GSTCD: variants seen among roughly 807,000 people sequenced by gnomAD.
The protein encoded by GSTCD is glutathione S-transferase C-terminal domain containing.
GSTCD carries 44 observed loss-of-function variants against 68.3 expected under a neutral mutation model. The observed-to-expected ratio is 0.64, with a 90% CI of 0.51 to 0.83. The LOEUF is 0.83. Ranked by LOEUF, GSTCD falls within the 40% of genes least tolerant of loss-of-function variation. The probability of loss-of-function intolerance (pLI) is 0.00; values close to 1 mark genes in which losing one functional copy is unlikely to be tolerated. For missense variants in GSTCD, 739 were observed against 735.9 expected (o/e 1.00, Z -0.05); for synonymous variants, 273 against 255.2 (o/e 1.07, Z -0.67).
rs531399940 is a variant in GSTCD at position 105,847,661 on chromosome 4, C to A, written c.*2084C>A. On this transcript the variant is annotated 3_prime_UTR_variant, in exon 12 of 12. Transcript: ENST00000515279. ...TACTTGTGATGAAGATTTAACTTAC[C>A]CTTTTACTTTAATGATTAATATTTT... The A allele has an allele frequency of 5.3e-5, 8 of 152,186 alleles. No homozygotes were observed. Among genetic ancestry groups the A allele is most frequent in the African/African-American group, 1.9e-4 (8 of 41,538 alleles). The allele number at this position is 152,186 out of a possible 1,614,324, so 9.4% of individuals were successfully genotyped here.
intron 5 of GSTCD, among the ~76,000 whole-genome samples, chr4:105,755,964 C>T (rs1441781496): frequency 6.7e-6 from 1 of 150,136 alleles, no homozygotes; most frequent in Non-Finnish European, 1.5e-5. Context: ...CCACCACTGG[C>T]CATGGTTCCC....
chr4:105,830,403 T>A (rs76667729), intron 8 of GSTCD, among the ~76,000 whole-genome samples: 1 of 151,760 alleles, frequency 6.6e-6, no homozygotes, highest in African/African-American at 2.4e-5. Flanking sequence ...ATCAGTCTAG[T>A]AAAAAAAAGT....
chr4:105,832,883 C>CG (rs1246738819), intron 8 of GSTCD, among the ~76,000 whole-genome samples: 2 of 152,180 alleles, frequency 1.3e-5, no homozygotes, highest in Non-Finnish European at 2.9e-5. Flanking sequence ...GAAAAGCTGA[C>CG]TAAAAGAAGC....
chr4:105,752,325 C>T (rs886113940), intron 5 of GSTCD, among the ~76,000 whole-genome samples: 11 of 151,944 alleles, frequency 7.2e-5, no homozygotes, highest in Non-Finnish European at 1.6e-4. Context: ...GCTTTGTTCT[C>T]CTCTGTAGGG....
intron 7 of GSTCD, among the ~76,000 whole-genome samples, chr4:105,825,135 T>TTGGTTGGTTGGTTG (rs1560848887): frequency 6.7e-6 from 1 of 149,014 alleles, no homozygotes; most frequent in African/African-American, 2.5e-5. Context: ...TTGGTTGGTT[T>TTGGTTGGTTGGTTG]GTTTGTTTGT....
At chr4:105,729,030 C>T (rs1485250566) in intron 4 of GSTCD, among the ~76,000 whole-genome samples, 3 of 152,042 alleles carry the variant, frequency 2.0e-5, no homozygotes, top group African/African-American at 7.2e-5. Flanking sequence ...CTTTGATGGA[C>T]ATATGCAGAG....
At chr4:105,839,268 G>T (rs1210234679) in intron 10 of GSTCD, among the ~76,000 whole-genome samples, 1 of 152,174 alleles carries the variant, frequency 6.6e-6, no homozygotes, top group African/African-American at 2.4e-5. Flanking sequence ...TAGGACCCAA[G>T]AAACTTTATT....
chr4:105,805,335 A>G (rs562593434), intron 5 of GSTCD, among the ~76,000 whole-genome samples: 1 of 152,268 alleles, frequency 6.6e-6, no homozygotes, highest in South Asian at 2.1e-4. Context: ...TCCATGAATA[A>G]GAAAAAATCT....
chr4:105,768,971 A>T (rs1488432699), intron 5 of GSTCD, among the ~76,000 whole-genome samples: 2 of 151,978 alleles, frequency 1.3e-5, no homozygotes, highest in Admixed American at 6.6e-5. Flanking sequence ...ACTATTTTAT[A>T]GAATATAGAA....
chr4:105,756,458 A>G (rs1186960146), intron 5 of GSTCD, among the ~76,000 whole-genome samples: 1 of 151,178 alleles, frequency 6.6e-6, no homozygotes, highest in East Asian at 1.9e-4. Context: ...AATTTAGGAA[A>G]TTTGTGTCAG....
chr4:105,847,314 G>A lies in GSTCD; in HGVS notation c.*1737G>A, dbSNP rs1724588921. On this transcript the variant is annotated 3_prime_UTR_variant, in exon 12 of 12. Transcript: ENST00000515279. ...CAGGGCAGTATGGGTGGGGGTGGGA[G>A]ACATATTGGAATCGTGTTTTCTGGG... The A allele has an allele frequency of 6.6e-6, 1 of 152,000 alleles. No individual in the cohort carries two copies. The highest frequency in any genetic ancestry group is 1.5e-5 in the Non-Finnish European group (1 of 68,012). 9.4% of individuals were successfully genotyped at this position (152,000 alleles called of 1,614,324 possible).
At chr4:105,783,696 T>C (rs1357486203) in intron 5 of GSTCD, among the ~76,000 whole-genome samples, 2 of 152,168 alleles carry the variant, frequency 1.3e-5, no homozygotes, top group Non-Finnish European at 2.9e-5. Flanking sequence ...AAGTCAGGAA[T>C]TTTAATATGG....
intron 5 of GSTCD, among the ~76,000 whole-genome samples, chr4:105,736,223 G>A (rs1422738483): frequency 6.6e-6 from 1 of 152,038 alleles, no homozygotes; most frequent in East Asian, 1.9e-4. Flanking sequence ...TAATCCTGCT[G>A]TTTGTTTTGT....
intron 5 of GSTCD, among the ~76,000 whole-genome samples, chr4:105,769,199 A>G (rs2544399): frequency 0.87 from 132,125 of 151,384 alleles, 57,973 homozygotes; most frequent in East Asian, 0.96. Flanking sequence ...AGAGAAAATA[A>G]GAAGTTATTT....
At chr4:105,813,575 A>C (rs1379559502) in intron 5 of GSTCD, among the ~76,000 whole-genome samples, 1 of 152,204 alleles carries the variant, frequency 6.6e-6, no homozygotes, top group Non-Finnish European at 1.5e-5. Flanking sequence ...TCCAGAAAAA[A>C]AATTTCTGAA....
intron 5 of GSTCD, among the ~76,000 whole-genome samples, chr4:105,790,881 G>A (rs1735637882): frequency 6.6e-6 from 1 of 151,876 alleles, no homozygotes; most frequent in Non-Finnish European, 1.5e-5. Context: ...AAAAGGAAGT[G>A]ATAACCAACA....
intron 5 of GSTCD, among the ~76,000 whole-genome samples, chr4:105,763,953 A>AT (rs1734511348): frequency 6.6e-6 from 1 of 152,182 alleles, no homozygotes; most frequent in Non-Finnish European, 1.5e-5. Flanking sequence ...ACAAAAAAAA[A>AT]AGTTTAGTTT....
At chr4:105,798,520 A>G (rs1357508797) in intron 5 of GSTCD, among the ~76,000 whole-genome samples, 1 of 152,180 alleles carries the variant, frequency 6.6e-6, no homozygotes, top group Non-Finnish European at 1.5e-5. Flanking sequence ...AAGACCTGAA[A>G]GTCAAAATTA....
intron 3 of GSTCD, among the ~76,000 whole-genome samples, chr4:105,724,880 T>C (rs1346912684): frequency 2.2e-4 from 34 of 152,146 alleles, no homozygotes. Flanking sequence ...AGGTTTTTGA[T>C]ATAATGTTGT....
Sources: allele counts gnomAD v4.1 joint callset (sites outside exome capture counted in the v4.1 genomes callset), GRCh38; gene constraint gnomAD v4.1.1; transcripts MANE v1.5; gene names NCBI Gene and HGNC (gene_info 2026-07-23, HGNC 2026-07-21).